The following EXOC4 variants were observed in gnomAD, a reference collection of about 807,000 sequenced individuals.
EXOC4 encodes the protein exocyst complex component 4, also known as SEC8-like 1.
In EXOC4, 71 loss-of-function variants were observed where a neutral mutation model predicts 107.2. The ratio of observed to expected loss-of-function variants is 0.66; its 90% CI spans 0.55 to 0.81. The LOEUF is 0.81. Among genes scored for constraint, EXOC4 ranks in the 30% least tolerant of loss-of-function variants. The pLI is 0.00. For synonymous variants in EXOC4, 456 were observed against 441.2 expected, an observed-to-expected ratio of 1.03 and a Z score of -0.42; for missense variants, 1,108 against 1,189.6, an observed-to-expected ratio of 0.93 and a Z score of 1.01.
intron 11 of EXOC4, among the ~76,000 whole-genome samples, chr7:133,854,786 C>A (rs1798313124): frequency 1.3e-5 from 2 of 150,014 alleles, no homozygotes; most frequent in Admixed American, 1.3e-4. Context: ...CCTCACCATC[C>A]CTTTTCCTTA....
intron 9 of EXOC4, among the ~76,000 whole-genome samples, chr7:133,519,153 G>C (rs1799935480): frequency 6.6e-6 from 1 of 152,096 alleles, no homozygotes; most frequent in Non-Finnish European, 1.5e-5. Context: ...GATGGCTCAT[G>C]CTTGTAATCC....
intron 9 of EXOC4, among the ~76,000 whole-genome samples, chr7:133,542,198 T>TGTGTGC (rs1484610793): frequency 2.6e-5 from 4 of 151,602 alleles, no homozygotes; most frequent in South Asian, 2.1e-4. Context: ...TGTGTGTGTG[T>TGTGTGC]GCCTTCAGAA....
In EXOC4 at chr7:133,680,316, C is replaced by G. The variant is rs1464156336; in HGVS notation, c.1514+50175C>G. On this transcript the variant is annotated intron_variant, in intron 10 of 17. Transcript: ENST00000253861. ...AAATTGAAAAATCTCACATTTTCTT[C>G]TAAAGTTGATTTAACAATATAGTTA... Among the ~76,000 whole-genome samples the G allele has an allele frequency of 3.3e-5, 5 of 152,008 alleles. No individual in the cohort carries two copies. In the East Asian group the frequency reaches 9.6e-4, roughly 29 times the overall value.
intron 14 of EXOC4, among the ~76,000 whole-genome samples, chr7:133,985,071 C>T (rs1017076508): frequency 6.6e-6 from 1 of 152,052 alleles, no homozygotes; most frequent in Non-Finnish European, 1.5e-5. Flanking sequence ...GTGAATGGAA[C>T]AGGTATATCT....
intron 10 of EXOC4, among the ~76,000 whole-genome samples, chr7:133,674,112 G>A (rs763449084): frequency 6.6e-6 from 1 of 152,180 alleles, no homozygotes; most frequent in Non-Finnish European, 1.5e-5. Flanking sequence ...GCTGGAGCTT[G>A]CCTTGAATGA....
Position 133,475,451 on chromosome 7 carries a change from A to C in EXOC4, c.1306A>C (p.Arg436=). The change falls in exon 8 of 18, where the codon AGG becomes CGG. Residue 436 remains arginine (R), a synonymous_variant. Transcript: ENST00000253861. ...CTTTTTTGCCAAGAAGAAACCTCAA[A>C]GGCCAAAAAATTCTCTTTTCAAGTA... ...AAFFAKKKPQ[R]PKNSLFKFES... The C allele has an allele frequency of 6.2e-7, 1 of 1,614,026 alleles. No homozygotes were observed. The highest frequency in any genetic ancestry group is 8.5e-7 in the Non-Finnish European group (1 of 1,179,956).
intron 1 of EXOC4, among the ~76,000 whole-genome samples, chr7:133,264,691 C>T (rs1215561688): frequency 1.3e-5 from 2 of 152,040 alleles, no homozygotes; most frequent in African/African-American, 4.8e-5. Context: ...CTGAGTAACT[C>T]AGAATTATGA....
the EXOC4 span, among the ~76,000 whole-genome samples, chr7:134,074,521 G>T: frequency 6.6e-6 from 1 of 152,224 alleles, no homozygotes; most frequent in Non-Finnish European, 1.5e-5. Flanking sequence ...GAAATGGATA[G>T]AACCTGAGAG....
chr7:133,305,827 C>G (rs112500571), intron 3 of EXOC4, 50 bp from the exon 4 acceptor site: 2 of 1,417,236 alleles, frequency 1.4e-6, no homozygotes. Context: ...TATAATATTG[C>G]CAGGTTATTA....
At chr7:134,017,593 C>CT (rs1794939684) in intron 17 of EXOC4, among the ~76,000 whole-genome samples, 1 of 152,088 alleles carries the variant, frequency 6.6e-6, no homozygotes, top group African/African-American at 2.4e-5. Flanking sequence ...TCTGATCTCC[C>CT]TTTTTTTACA....
intron 11 of EXOC4, among the ~76,000 whole-genome samples, chr7:133,835,334 G>C (rs1797895413): frequency 1.3e-5 from 2 of 152,094 alleles, no homozygotes; most frequent in Admixed American, 1.3e-4. Flanking sequence ...AGGTGGTCGG[G>C]GTGCAGCCTT....
intron 9 of EXOC4, among the ~76,000 whole-genome samples, chr7:133,557,522 AT>A (rs1438392575): frequency 6.6e-6 from 1 of 152,172 alleles, no homozygotes; most frequent in African/African-American, 2.4e-5. Flanking sequence ...ACTTCAAATT[AT>A]TTTATTTTGA....
At chr7:133,484,274 G>A (rs1799224424) in intron 9 of EXOC4, 1 of 1,168,408 alleles carries the variant, frequency 8.6e-7, no homozygotes, top group Non-Finnish European at 1.1e-6. Context: ...TATATAGTCT[G>A]CTGTTGGCAG....
At chr7:133,908,418 C>T (rs543074845) in intron 12 of EXOC4, among the ~76,000 whole-genome samples, 1 of 152,166 alleles carries the variant, frequency 6.6e-6, no homozygotes, top group Non-Finnish European at 1.5e-5. Context: ...AGTCTTCAGC[C>T]CAAAGAAGAG....
chr7:134,001,964 A>G (rs1281515581), intron 15 of EXOC4, among the ~76,000 whole-genome samples: 1 of 152,208 alleles, frequency 6.6e-6, no homozygotes, highest in Non-Finnish European at 1.5e-5. Context: ...ACTTTAGCAT[A>G]GATGCTTTAA....
chr7:133,757,695 A>C (rs562382082), intron 10 of EXOC4, among the ~76,000 whole-genome samples: 1 of 152,326 alleles, frequency 6.6e-6, no homozygotes, highest in Non-Finnish European at 1.5e-5. Flanking sequence ...GATTCACCTA[A>C]ATATGTGTTT....
chr7:133,356,364 T>G lies in EXOC4; in HGVS notation c.798T>G (p.Asp266Glu), dbSNP rs953735832. 6.2e-7 allele frequency: 1 copy of G among 1,614,032 alleles called. No homozygotes were observed. Among genetic ancestry groups the G allele is most frequent in the Non-Finnish European group, 8.5e-7 (1 of 1,179,956 alleles). Residue 266 changes from aspartate to glutamate, a missense_variant, in exon 6 of 18, where the codon GAT becomes GAG. Transcript: ENST00000253861. ...TAAATCTGCAGGACATCAAGGAAGA[T>G]TTAGAATTGGATCCAGAGGAAAACA... ...REINLQDIKE[D>E]LELDPEENST...
At chr7:133,550,575 C>A (rs1800565698) in intron 9 of EXOC4, among the ~76,000 whole-genome samples, 1 of 152,134 alleles carries the variant, frequency 6.6e-6, no homozygotes, top group African/African-American at 2.4e-5. Context: ...TTATTACCAC[C>A]AACAGTATTA....
the EXOC4 span, among the ~76,000 whole-genome samples, chr7:134,080,978 T>C: frequency 6.6e-6 from 1 of 152,090 alleles, no homozygotes; most frequent in Non-Finnish European, 1.5e-5. Context: ...GCATGATTGC[T>C]CCCTCACCTC....
Sources: gnomAD v4.1 joint callset for allele counts (sites outside exome capture counted in the v4.1 genomes callset) on GRCh38, gnomAD v4.1.1 for gene constraint, MANE v1.5 for transcripts, NCBI Gene and HGNC (gene_info 2026-07-23, HGNC 2026-07-21) for gene names.